The following PMEPA1 variants were observed in gnomAD, a reference collection of about 807,000 sequenced individuals.
PMEPA1 encodes the protein prostate transmembrane protein, androgen induced 1, also known as protein TMEPAI.
Under a neutral mutation model 23.0 loss-of-function variants are expected in PMEPA1, and 11 were observed. That is an observed-to-expected ratio of 0.48 (90% confidence interval 0.30 to 0.79). The LOEUF (loss-of-function observed/expected upper bound fraction) is 0.79, where lower values mean the gene tolerates loss of function less well. Among genes scored for constraint, PMEPA1 ranks in the 30% least tolerant of loss-of-function variants. The probability of loss-of-function intolerance (pLI) is 0.06; values close to 1 mark genes in which losing one functional copy is unlikely to be tolerated. For missense variants in PMEPA1, 377 were observed against 390.9 expected (o/e 0.96, Z 0.30); for synonymous variants, 204 against 166.4 (o/e 1.23, Z -1.74).
In PMEPA1 at chr20:57,650,072, A is replaced by C. The variant is rs568029393; in HGVS notation, c.*1981T>G. 10 of 152,504 alleles carry C rather than the reference A, an allele frequency of 6.6e-5. No individual in the cohort carries two copies. Among genetic ancestry groups the C allele is most frequent in the Non-Finnish European group, 1.3e-4 (9 of 68,036 alleles). The allele number at this position is 152,504 out of a possible 1,614,324, so 9.4% of individuals were successfully genotyped here. A position where few individuals can be genotyped will look rare whatever the true frequency, so the allele number is the denominator to read the frequency against. ...GGAGAGGCAGGTTCTGCTGTTGCCA[A>C]TGAACGAGAACTTTCTACTAGGCTG... On this transcript the variant is annotated 3_prime_UTR_variant, in exon 4 of 4. Transcript: ENST00000341744.
At chr20:57,684,484 C>T (rs562777167) in intron 1 of PMEPA1, among the ~76,000 whole-genome samples, 1 of 152,270 alleles carries the variant, frequency 6.6e-6, no homozygotes, top group East Asian at 1.9e-4. Context: ...CCACCCACTG[C>T]AGAGTCTGAA....
chr20:57,710,233 G>A (rs930645815), upstream of PMEPA1: 1 of 533,646 alleles, frequency 1.9e-6, no homozygotes, highest in Non-Finnish European at 3.0e-6. Context: ...TCTCCCCAAC[G>A]GCGGTCAGCT....
chr20:57,690,553 A>T (rs2071866851), intron 1 of PMEPA1: 3 of 1,281,722 alleles, frequency 2.3e-6, no homozygotes, highest in Non-Finnish European at 3.1e-6. Context: ...TAACTGTAGC[A>T]GGAGGCGGGG....
At chr20:57,709,154 T>C (rs1174629039) in intron 1 of PMEPA1, among the ~76,000 whole-genome samples, 1 of 150,636 alleles carries the variant, frequency 6.6e-6, no homozygotes, top group Admixed American at 6.6e-5. Flanking sequence ...CTCAGGGAAA[T>C]AAAATGGAAA....
rs2071729933 is a variant in PMEPA1 at position 57,682,326 on chromosome 20, C to A, written c.110-22629G>T. 6.6e-6 allele frequency among the ~76,000 whole-genome samples: 1 copy of A among 152,192 alleles called. No individual in the cohort carries two copies. Among genetic ancestry groups the A allele is most frequent in the South Asian group, 2.1e-4 (1 of 4,822 alleles). ...GGGGACCAGCTCCACCAGCGGTTCC[C>A]TGTGTGACCTTGGGCAAGCTGTTCT... is the stretch of plus-strand genomic sequence containing the variant. On this transcript the variant is annotated intron_variant, in intron 1 of 3. Transcript: ENST00000341744. The surrounding 1 kb of genome is among the most constrained non-coding windows in gnomAD (Gnocchi z 4.4).
At chr20:57,658,338 C>G (rs538014016) in intron 2 of PMEPA1, among the ~76,000 whole-genome samples, 1 of 152,214 alleles carries the variant, frequency 6.6e-6, no homozygotes, top group Non-Finnish European at 1.5e-5. Context: ...CTGCACAGCA[C>G]GGCCTCAAGA....
At chr20:57,657,528 A>T (rs936444522) in intron 2 of PMEPA1, among the ~76,000 whole-genome samples, 16 of 152,366 alleles carry the variant, frequency 1.1e-4, no homozygotes, top group Non-Finnish European at 1.8e-4. Context: ...TAGCAACAGC[A>T]AATAAACACG....
At chr20:57,687,731 C>T (rs1204371334) in intron 1 of PMEPA1, among the ~76,000 whole-genome samples, 2 of 152,234 alleles carry the variant, frequency 1.3e-5, no homozygotes, top group African/African-American at 2.4e-5. Flanking sequence ...GCAACTGACA[C>T]AGCTGGGCTC....
chr20:57,698,363 G>A (rs745558268), intron 1 of PMEPA1, among the ~76,000 whole-genome samples: 6 of 152,024 alleles, frequency 3.9e-5, no homozygotes, highest in Non-Finnish European at 8.8e-5. Context: ...TCCTATGGCC[G>A]TGACCCTATT....
At chr20:57,706,992 G>A (rs780722204) in intron 1 of PMEPA1, among the ~76,000 whole-genome samples, 2 of 151,972 alleles carry the variant, frequency 1.3e-5, no homozygotes, top group Non-Finnish European at 2.9e-5. Flanking sequence ...CATCCATCAC[G>A]GCCTCATTCT....
Position 57,652,710 on chromosome 20 carries a change from G to A in PMEPA1, c.319-112C>T. 9.7e-7 allele frequency: 1 copy of A among 1,029,260 alleles called. No homozygotes were observed. The highest frequency in any genetic ancestry group is 1.4e-6 in the Non-Finnish European group (1 of 728,762). The allele number at this position is 1,029,260 out of a possible 1,614,324, so 63.8% of individuals were successfully genotyped here. ...TGGGACTTGGCTCTCTGGGGAAAGG[G>A]AGAGGGCAGCAGGGCTGGCGGGGGC... is the stretch of plus-strand genomic sequence containing the variant. On this transcript the variant is annotated intron_variant, in intron 3 of 3. Transcript: ENST00000341744. This position sits in a 1 kb window ranked among gnomAD's most constrained non-coding sequence, Gnocchi z 6.1.
At chr20:57,702,139 G>C (rs2072019736) in intron 1 of PMEPA1, among the ~76,000 whole-genome samples, 1 of 152,186 alleles carries the variant, frequency 6.6e-6, no homozygotes, top group Non-Finnish European at 1.5e-5. Flanking sequence ...CTCGTAGAGG[G>C]CAGGAATTTG....
intron 1 of PMEPA1, among the ~76,000 whole-genome samples, chr20:57,693,983 G>C (rs1400959117): frequency 1.3e-5 from 2 of 152,226 alleles, no homozygotes; most frequent in African/African-American, 4.8e-5. Flanking sequence ...TGCCGGTGAG[G>C]ATGGGAGGTC....
intron 1 of PMEPA1, among the ~76,000 whole-genome samples, chr20:57,705,698 G>A (rs1467041691): frequency 6.6e-6 from 1 of 152,228 alleles, no homozygotes; most frequent in East Asian, 1.9e-4. Context: ...TGGCAACGCA[G>A]ATGCTGCCCT....
rs558280253 is a variant in PMEPA1, at chr20:57,697,230, A to G, written c.109+12244T>C. Reference sequence around the variant, plus strand: ...GTCTGCACAACTTCCAGTTTTCCCCATAAGGATCATCCACAACCCGATGGT... The same window carrying G: ...GTCTGCACAACTTCCAGTTTTCCCCGTAAGGATCATCCACAACCCGATGGT... On this transcript the variant is annotated intron_variant, in intron 1 of 3. Coordinates refer to ENST00000341744, the MANE Select transcript of PMEPA1 (RefSeq NM_020182.5). 6.1e-4 allele frequency among the ~76,000 whole-genome samples: 93 copies of G among 152,330 alleles called. 2 individuals are homozygous for G. In the South Asian group the frequency reaches 0.019, roughly 31 times the overall value.
At chr20:57,709,352 C>G (rs2072132399) in intron 1 of PMEPA1, 122 bp downstream of exon 1, 1 of 657,796 alleles carries the variant, frequency 1.5e-6, no homozygotes, top group African/African-American at 2.0e-5. Context: ...CGGGCGCTGC[C>G]CGGGCGCAGG....
rs1019689541 is a variant in PMEPA1, at chr20:57,682,234, TGAC to T, written c.110-22540_110-22538del. Among the ~76,000 whole-genome samples the T allele has an allele frequency of 5.3e-5, 8 of 152,230 alleles. No homozygotes were observed. Among genetic ancestry groups the T allele is most frequent in the African/African-American group, 1.9e-4 (8 of 41,516 alleles). ...AGACACAGCTACCTTCGATGGGAGG[TGAC>T]GGCGTAGCAAAGGCTCCCAGTGGGA... On this transcript the variant is annotated intron_variant, in intron 1 of 3. Transcript: ENST00000341744. This position sits in a 1 kb window ranked among gnomAD's most constrained non-coding sequence, Gnocchi z 4.4.
chr20:57,652,140 G>T lies in PMEPA1; in HGVS notation c.777C>A (p.Thr259=). 6.3e-7 allele frequency: 1 copy of T among 1,597,524 alleles called. No homozygotes were observed. Among genetic ancestry groups the T allele is most frequent in the East Asian group, 2.3e-5 (1 of 44,124 alleles). Reference sequence around the variant, plus strand: ...GCGCGATGTGTGTGTGGTGGAGCCGGGTCCCCTCCAGCAAGGAGGGCGGCC... The same window carrying T: ...GCGCGATGTGTGTGTGGTGGAGCCGTGTCCCCTCCAGCAAGGAGGGCGGCC... ...SSGPPSLLEG[T]RLHHTHIAPL... The change falls in exon 4 of 4, where the codon ACC becomes ACA. Residue 259 remains threonine, a synonymous_variant. Coordinates refer to ENST00000341744, the MANE Select transcript of PMEPA1 (RefSeq NM_020182.5). The surrounding 1 kb of genome is among the most constrained non-coding windows in gnomAD (Gnocchi z 6.1).
intron 1 of PMEPA1, among the ~76,000 whole-genome samples, chr20:57,661,310 AG>A (rs1308310845): frequency 6.6e-6 from 1 of 152,184 alleles, no homozygotes; most frequent in Non-Finnish European, 1.5e-5. Flanking sequence ...GTGCCAGCAG[AG>A]CCCCCAGCAA....
Sources: gnomAD v4.1 joint callset for allele counts (sites outside exome capture counted in the v4.1 genomes callset) on GRCh38, gnomAD v4.1.1 for gene constraint, Gnocchi (gnomAD v3.1) non-coding constraint, MANE v1.5 for transcripts, NCBI Gene and HGNC (gene_info 2026-07-23, HGNC 2026-07-21) for gene names.